SEC24B: variants seen among roughly 807,000 people sequenced by gnomAD.
SEC24B encodes SEC24 homolog B, COPII component.
SEC24B carries 45 observed loss-of-function variants against 142.8 expected under a neutral mutation model. That is an observed-to-expected ratio of 0.32 (90% confidence interval 0.25 to 0.40). The LOEUF (loss-of-function observed/expected upper bound fraction) is 0.40. Ranked by LOEUF, SEC24B falls within the 10% of genes least tolerant of loss-of-function variation. The pLI, the probability that SEC24B is intolerant of heterozygous loss-of-function variation, is 1.00. For synonymous variants in SEC24B, 574 were observed against 568.2 expected, an observed-to-expected ratio of 1.01 and a Z score of -0.15; for missense variants, 1,409 against 1,526.8, an observed-to-expected ratio of 0.92 and a Z score of 1.29.
intron 18 of SEC24B, among the ~76,000 whole-genome samples, chr4:109,529,491 G>A (rs1050583566): frequency 1.3e-5 from 2 of 151,874 alleles, no homozygotes; most frequent in African/African-American, 2.4e-5. Context: ...TAAGTTTCAC[G>A]TTACCTGTGT....
At chr4:109,506,231 C>A in intron 6 of SEC24B, 97 bp from the exon 7 acceptor site, 1 of 867,158 alleles carries the variant, frequency 1.2e-6, no homozygotes, top group Non-Finnish European at 1.6e-6. Context: ...ATTTTCTTAC[C>A]TTTTTGCTTT....
In SEC24B at chr4:109,527,426, A is replaced by C. The variant is rs1348570760; in HGVS notation, c.3070A>C (p.Asn1024His). The C allele has an allele frequency of 6.2e-6, 10 of 1,601,538 alleles. No homozygotes were observed. Among genetic ancestry groups the C allele is most frequent in the Non-Finnish European group, 4.3e-6 (5 of 1,169,578 alleles). Reference protein sequence around the residue: ...DVQAAICLLANMAVDRSVSSS... With the variant: ...DVQAAICLLAHMAVDRSVSSS... ...ACAAGCTGCCATCTGCCTTCTGGCA[A>C]ACATGGGTGAGTAAAAATTGAAGGA... Residue 1024 changes from asparagine to histidine, a missense_variant, in exon 18 of 24, where the codon AAC (asparagine) becomes CAC (histidine). Coordinates refer to ENST00000265175, the MANE Select transcript of SEC24B (RefSeq NM_006323.5).
intron 7 of SEC24B, among the ~76,000 whole-genome samples, chr4:109,507,367 C>G (rs1046282150): frequency 3.2e-4 from 49 of 151,512 alleles, no homozygotes; most frequent in African/African-American, 1.1e-3. Flanking sequence ...CTCCGCCTCC[C>G]AGGTTCAAGT....
At chr4:109,445,025 G>A (rs752783945) in intron 1 of SEC24B, among the ~76,000 whole-genome samples, 1 of 151,968 alleles carries the variant, frequency 6.6e-6, no homozygotes, top group African/African-American at 2.4e-5. Context: ...CTGGGGTCAG[G>A]TGATCCTCCC....
At chr4:109,499,866 T>TA (rs1469104842) in intron 6 of SEC24B, among the ~76,000 whole-genome samples, 12 of 152,200 alleles carry the variant, frequency 7.9e-5, no homozygotes, top group Non-Finnish European at 1.5e-4. Context: ...CTTCTATTTA[T>TA]AAAAAACAAA....
Position 109,463,136 on chromosome 4 carries a change from C to G in SEC24B, c.369C>G (p.Ala123=), listed in dbSNP as rs200240801. 43 of 1,613,868 alleles carry G rather than the reference C, an allele frequency of 2.7e-5. No individual in the cohort carries two copies. The highest frequency in any genetic ancestry group is 1.2e-4 in the Admixed American group (7 of 59,990). ...AGTTGTACAGCAGGGGTCCTCCTGCCCCTCATATTGTGGGATCCACTCTAG... is the reference window on the plus strand; with the variant it reads ...AGTTGTACAGCAGGGGTCCTCCTGCGCCTCATATTGTGGGATCCACTCTAG... The part of the protein sequence containing the change: ...AQQLYSRGPP[A]PHIVGSTLGS... The change falls in exon 2 of 24, where the codon GCC becomes GCG. Residue 123 remains alanine, a synonymous_variant. Coordinates refer to ENST00000265175, the MANE Select transcript of SEC24B (RefSeq NM_006323.5).
intron 3 of SEC24B, among the ~76,000 whole-genome samples, chr4:109,474,813 AAAC>A (rs1327265694): frequency 5.3e-5 from 8 of 152,206 alleles, no homozygotes; most frequent in Non-Finnish European, 1.0e-4. Flanking sequence ...TTTGCCCACT[AAAC>A]AATTGCAATT....
chr4:109,475,598 C>A (rs1733027313), intron 3 of SEC24B, among the ~76,000 whole-genome samples: 2 of 151,902 alleles, frequency 1.3e-5, no homozygotes, highest in African/African-American at 4.8e-5. Context: ...TAAAATTTTT[C>A]ATCAAAAATT....
At chr4:109,504,356 A>G (rs1486865499) in intron 6 of SEC24B, among the ~76,000 whole-genome samples, 1 of 152,142 alleles carries the variant, frequency 6.6e-6, no homozygotes, top group African/African-American at 2.4e-5. Flanking sequence ...TAGTTTACTA[A>G]TTCTATTTGC....
intron 1 of SEC24B, among the ~76,000 whole-genome samples, chr4:109,445,690 T>C (rs1429982473): frequency 6.6e-6 from 1 of 152,066 alleles, no homozygotes; most frequent in African/African-American, 2.4e-5. Context: ...CACCTCAGCC[T>C]CCCAAGTTAC....
chr4:109,535,954 T>G (rs1158171845), intron 22 of SEC24B, among the ~76,000 whole-genome samples: 1 of 152,206 alleles, frequency 6.6e-6, no homozygotes, highest in Non-Finnish European at 1.5e-5. Context: ...GAAAACAGAT[T>G]TGTATAATTA....
chr4:109,466,670 A>G (rs1028232728), intron 2 of SEC24B, among the ~76,000 whole-genome samples: 2 of 152,184 alleles, frequency 1.3e-5, no homozygotes, highest in African/African-American at 4.8e-5. Context: ...TTGGCCTCCC[A>G]AAGTGCTGGG....
intron 6 of SEC24B, among the ~76,000 whole-genome samples, chr4:109,505,260 T>G (rs1036961260): frequency 6.6e-6 from 1 of 152,086 alleles, no homozygotes; most frequent in African/African-American, 2.4e-5. Flanking sequence ...GTTGGATACA[T>G]TCTAATACCA....
chr4:109,521,854 C>T (rs1032300597), intron 14 of SEC24B, among the ~76,000 whole-genome samples: 1 of 151,846 alleles, frequency 6.6e-6, no homozygotes, highest in Non-Finnish European at 1.5e-5. Flanking sequence ...GCTTCAGCCT[C>T]CTGAGTAGCT....
intron 1 of SEC24B, among the ~76,000 whole-genome samples, chr4:109,437,720 G>A (rs1728538938): frequency 6.6e-6 from 1 of 152,190 alleles, no homozygotes; most frequent in South Asian, 2.1e-4. Flanking sequence ...CACCTCCTGG[G>A]TTCAAGCGAT....
At chr4:109,497,136 T>G (rs1735619208) in intron 6 of SEC24B, among the ~76,000 whole-genome samples, 2 of 152,232 alleles carry the variant, frequency 1.3e-5, no homozygotes, top group African/African-American at 4.8e-5. Context: ...TATGGCTGCT[T>G]TTGCACTACA....
chr4:109,492,972 G>A (rs969146367), intron 5 of SEC24B, among the ~76,000 whole-genome samples: 2 of 150,834 alleles, frequency 1.3e-5, no homozygotes, highest in Non-Finnish European at 2.9e-5. Context: ...CTTCCACCTT[G>A]GCCTTCCAAA....
chr4:109,505,450 A>C (rs544729161), intron 6 of SEC24B, among the ~76,000 whole-genome samples: 64 of 152,264 alleles, frequency 4.2e-4, no homozygotes, highest in Middle Eastern at 3.4e-3. Flanking sequence ...GATTTGTAGC[A>C]AAAGAGAACA....
chr4:109,487,599 G>T (rs1172474067), intron 4 of SEC24B, among the ~76,000 whole-genome samples: 1 of 152,188 alleles, frequency 6.6e-6, no homozygotes, highest in African/African-American at 2.4e-5. Flanking sequence ...TTTCAATCAG[G>T]TACTGTTTTA....
Sources: allele counts gnomAD v4.1 joint callset (sites outside exome capture counted in the v4.1 genomes callset), GRCh38; gene constraint gnomAD v4.1.1; transcripts MANE v1.5; gene names NCBI Gene and HGNC (gene_info 2026-07-23, HGNC 2026-07-21).